The following TNC variants were observed in gnomAD, a reference collection of about 807,000 sequenced individuals.
TNC encodes the protein tenascin.
In TNC, 109 loss-of-function variants were observed where a neutral mutation model predicts 202.4. That is an observed-to-expected ratio of 0.54 (90% CI 0.46 to 0.63). The LOEUF is 0.63. Among genes scored for constraint, TNC ranks in the 30% least tolerant of loss-of-function variants. The pLI, the probability that TNC is intolerant of heterozygous loss-of-function variation, is 0.00. For synonymous variants in TNC, 1,007 were observed against 1,089.7 expected (o/e 0.92, Z 1.50); for missense variants, 2,756 against 2,833.3 (o/e 0.97, Z 0.62).
chr9:115,080,518 A>G (rs1670272541), intron 6 of TNC, among the ~76,000 whole-genome samples: 1 of 152,212 alleles, frequency 6.6e-6, no homozygotes, highest in Admixed American at 6.5e-5. Flanking sequence ...CCCCCTGCCA[A>G]GAAGAGTCGA....
intron 22 of TNC, among the ~76,000 whole-genome samples, chr9:115,034,606 A>C (rs1440591215): frequency 6.6e-6 from 1 of 152,238 alleles, no homozygotes; most frequent in Non-Finnish European, 1.5e-5. Context: ...CAATGTGTGG[A>C]GAACAAGCAA....
At chr9:115,070,998 T>C (rs1312518230) in intron 10 of TNC, among the ~76,000 whole-genome samples, 3 of 152,252 alleles carry the variant, frequency 2.0e-5, no homozygotes, top group Admixed American at 2.0e-4. Flanking sequence ...CAGTGTCTCC[T>C]GAGCACTGGC....
At chr9:115,090,061 C>T (rs1239733847) in intron 2 of TNC, among the ~76,000 whole-genome samples, 1 of 152,210 alleles carries the variant, frequency 6.6e-6, no homozygotes, top group African/African-American at 2.4e-5. Flanking sequence ...ACAGGCAGCA[C>T]TGTGCATTTG....
Position 115,086,050 on chromosome 9 carries a change from G to T in TNC, c.1681C>A (p.Gln561Lys), listed in dbSNP as rs1258801837. 1 of 1,614,212 alleles carries T rather than the reference G, an allele frequency of 6.2e-7. No individual in the cohort carries two copies. The highest frequency in any genetic ancestry group is 8.5e-7 in the Non-Finnish European group (1 of 1,180,018). ...EGFMGKDCKE[Q>K]RCPSDCHGQG... is the part of the protein sequence containing the mutation. ...CCATGACAGTCACTGGGACATCTTT[G>T]CTCCTTGCAGTCTTTGCCCATAAAT... is the stretch of plus-strand genomic sequence containing the variant. Residue 561 changes from glutamine (Q) to lysine (K), a missense_variant, in exon 3 of 28, where the codon CAA (glutamine) becomes AAA (lysine). By Grantham distance (53) the Gln-to-Lys change is moderately conservative (BLOSUM62 1). Coordinates refer to ENST00000350763, the MANE Select transcript of TNC (RefSeq NM_002160.4).
chr9:115,069,569 T>A (rs1261854985), intron 10 of TNC, among the ~76,000 whole-genome samples: 1 of 146,044 alleles, frequency 6.8e-6, no homozygotes, highest in Non-Finnish European at 1.5e-5. Context: ...GTACCTTTCG[T>A]TCTTCCCTCC....
intron 17 of TNC, among the ~76,000 whole-genome samples, chr9:115,044,384 G>GAGACACAC (rs1831011071): frequency 6.8e-6 from 1 of 147,108 alleles, no homozygotes; most frequent in East Asian, 2.0e-4. Flanking sequence ...CAGGCATGTA[G>GAGACACAC]ACACACACAC....
chr9:115,046,618 G>C lies in TNC; in HGVS notation c.4917C>G (p.Ser1639=), dbSNP rs1209616959. 1 of 1,613,870 alleles carries C rather than the reference G, an allele frequency of 6.2e-7. No homozygotes were observed. Among genetic ancestry groups the C allele is most frequent in the African/African-American group, 1.3e-5 (1 of 74,890 alleles). ...CGAAGACCCCTTCATCAGCTGTCCA[G>C]GACAGACGGAAACCGTCTGGGGTGG... is the stretch of plus-strand genomic sequence containing the variant. ...SDATPDGFRL[S]WTADEGVFDN... is the part of the protein sequence containing the mutation. The change falls in exon 17 of 28, where the codon TCC becomes TCG. Residue 1639 remains serine (S), a synonymous_variant. Transcript: ENST00000350763.
chr9:115,044,384 GACACACACACAC>G (rs113847516), intron 17 of TNC, among the ~76,000 whole-genome samples: 7 of 147,218 alleles, frequency 4.8e-5, no homozygotes, highest in African/African-American at 1.0e-4. Flanking sequence ...CAGGCATGTA[GACACACACACAC>G]ACACACACAC....
intron 15 of TNC, among the ~76,000 whole-genome samples, chr9:115,055,927 T>C (rs969234578): frequency 1.3e-5 from 2 of 152,200 alleles, no homozygotes; most frequent in African/African-American, 4.8e-5. Context: ...ACATATATGT[T>C]TGCCTAATTT....
At chr9:115,032,945 C>T (rs978613882) in intron 22 of TNC, among the ~76,000 whole-genome samples, 8 of 152,182 alleles carry the variant, frequency 5.3e-5, no homozygotes, top group Admixed American at 2.0e-4. Context: ...ATTCAACCTA[C>T]ACTCCTAGTA....
chr9:115,047,903 T>C (rs1436602744), intron 16 of TNC, among the ~76,000 whole-genome samples: 1 of 152,204 alleles, frequency 6.6e-6, no homozygotes, highest in African/African-American at 2.4e-5. Flanking sequence ...TTTGGAAATA[T>C]ACTCATTGGT....
At chr9:115,117,654 T>C (rs1424625641) in intron 1 of TNC, among the ~76,000 whole-genome samples, 2 of 152,168 alleles carry the variant, frequency 1.3e-5, no homozygotes, top group African/African-American at 2.4e-5. Flanking sequence ...ATAAAAGATA[T>C]ATACAGGTGA....
intron 1 of TNC, among the ~76,000 whole-genome samples, chr9:115,095,048 A>C (rs1190523599): frequency 6.6e-6 from 1 of 152,120 alleles, no homozygotes; most frequent in Admixed American, 6.5e-5. Flanking sequence ...GAAGGGCACA[A>C]GTTTTATAGG....
intron 13 of TNC, 25 bp downstream of exon 13, chr9:115,062,892 C>T: frequency 6.3e-7 from 1 of 1,599,150 alleles, no homozygotes; most frequent in Non-Finnish European, 8.6e-7. Flanking sequence ...TATCATGTCT[C>T]CAGTCTGGGA....
chr9:115,057,108 A>C, intron 15 of TNC, 45 bp downstream of exon 15: 1 of 1,564,990 alleles, frequency 6.4e-7, no homozygotes. Context: ...CCTGCAAAGA[A>C]GACTGTGGAG....
chr9:115,020,422 C>A lies in TNC; in HGVS notation c.*735G>T, dbSNP rs933898020. On this transcript the variant is annotated 3_prime_UTR_variant, in exon 28 of 28. Coordinates refer to ENST00000350763, the MANE Select transcript of TNC (RefSeq NM_002160.4). Reference sequence around the variant, plus strand: ...AGTCTTTAGTCTCCTTTCCACCCCTCCCACTTGACCACTATCCCTACTTAC... The same window carrying A: ...AGTCTTTAGTCTCCTTTCCACCCCTACCACTTGACCACTATCCCTACTTAC... 2 of 169,978 alleles carry A rather than the reference C, an allele frequency of 1.2e-5. No individual in the cohort carries two copies. Among genetic ancestry groups the A allele is most frequent in the Non-Finnish European group, 2.5e-5 (2 of 79,602 alleles). The allele number at this position is 169,978 out of a possible 1,614,324, so 10.5% of individuals were successfully genotyped here.
rs1834841885 is a variant in TNC, at chr9:115,087,282, A to G, written c.458-9T>C. 6.2e-7 allele frequency: 1 copy of G among 1,608,996 alleles called. No individual in the cohort carries two copies. Reference sequence around the variant, plus strand: ...CCTGGTGTCCAAGCGGCCTGCAACAAAAGAAACAGAAGTTCTCAGCCAGGC... The same window carrying G: ...CCTGGTGTCCAAGCGGCCTGCAACAGAAGAAACAGAAGTTCTCAGCCAGGC... On this transcript the variant is annotated splice_polypyrimidine_tract_variant and intron_variant, in intron 2 of 27. Transcript: ENST00000350763.
At chr9:115,037,529 T>A (rs1219153496) in intron 20 of TNC, among the ~76,000 whole-genome samples, 2 of 152,096 alleles carry the variant, frequency 1.3e-5, no homozygotes, top group Admixed American at 6.6e-5. Flanking sequence ...TTATTTATTT[T>A]TTATTTTTAT....
At chr9:115,080,421 T>G (rs960018229) in intron 6 of TNC, among the ~76,000 whole-genome samples, 1 of 152,156 alleles carries the variant, frequency 6.6e-6, no homozygotes, top group African/African-American at 2.4e-5. Flanking sequence ...ATCCTTTGAA[T>G]TGGCTCTGAG....
Sources: gnomAD v4.1 joint callset for allele counts (sites outside exome capture counted in the v4.1 genomes callset) on GRCh38, gnomAD v4.1.1 for gene constraint, MANE v1.5 for transcripts, NCBI Gene and HGNC (gene_info 2026-07-23, HGNC 2026-07-21) for gene names.